KIF6: variants seen among roughly 807,000 people sequenced by gnomAD.
KIF6 encodes the protein kinesin-like protein KIF6.
KIF6 carries 106 observed loss-of-function variants against 112.7 expected under a neutral mutation model. That is an observed-to-expected ratio of 0.94 (90% CI 0.80 to 1.11). The LOEUF is 1.11. Ranked by LOEUF, KIF6 falls within the 50% of genes least tolerant of loss-of-function variation. The probability of loss-of-function intolerance (pLI) is 0.00; values close to 1 mark genes in which losing one functional copy is unlikely to be tolerated. For synonymous variants in KIF6, 339 were observed against 339.9 expected (o/e 1.00, Z 0.03); for missense variants, 929 against 964.0 (o/e 0.96, Z 0.48).
At chr6:39,579,288 T>C (rs757999780) in intron 9 of KIF6, among the ~76,000 whole-genome samples, 19 of 152,292 alleles carry the variant, frequency 1.2e-4, no homozygotes, top group Non-Finnish European at 2.4e-4. Flanking sequence ...TGTAAAATGA[T>C]ATCTCATTTT....
At chr6:39,685,313 GACT>G (rs145735337) in intron 3 of KIF6, among the ~76,000 whole-genome samples, 5,299 of 152,278 alleles carry the variant, frequency 0.035, 286 homozygotes, top group African/African-American at 0.12. Flanking sequence ...GTAGAGCTCT[GACT>G]ACAGTAACAG....
At chr6:39,542,163 T>G (rs1327482663) in intron 12 of KIF6, among the ~76,000 whole-genome samples, 1 of 152,168 alleles carries the variant, frequency 6.6e-6, no homozygotes, top group East Asian at 1.9e-4. Flanking sequence ...GGGAAGCCCC[T>G]TGAAGACTTT....
At chr6:39,706,557 T>G (rs941610456) in intron 3 of KIF6, among the ~76,000 whole-genome samples, 2 of 152,230 alleles carry the variant, frequency 1.3e-5, no homozygotes, top group Non-Finnish European at 2.9e-5. Context: ...ATTTTAAAAT[T>G]GTCACACTTA....
chr6:39,361,380 T>C (rs1765125472), intron 17 of KIF6, among the ~76,000 whole-genome samples: 1 of 151,820 alleles, frequency 6.6e-6, no homozygotes, highest in Non-Finnish European at 1.5e-5. Flanking sequence ...GCCTACATGG[T>C]GAAACCGTGT....
chr6:39,568,638 C>T (rs1055304195), intron 10 of KIF6, among the ~76,000 whole-genome samples: 1 of 151,956 alleles, frequency 6.6e-6, no homozygotes, highest in African/African-American at 2.4e-5. Flanking sequence ...GCAACCTCTG[C>T]CTCCCGGGTT....
chr6:39,538,887 A>G (rs1778609899), intron 13 of KIF6, among the ~76,000 whole-genome samples: 1 of 151,010 alleles, frequency 6.6e-6, no homozygotes, highest in South Asian at 2.1e-4. Flanking sequence ...CTATGCAGCC[A>G]TAAAAAATGA....
chr6:39,496,936 C>T (rs2073134), intron 13 of KIF6, among the ~76,000 whole-genome samples: 71,558 of 152,108 alleles, frequency 0.47, 20,511 homozygotes, highest in African/African-American at 0.81. Flanking sequence ...TACAAAACTG[C>T]CACCATGCTA....
At chr6:39,414,460 T>C (rs572818948) in intron 15 of KIF6, among the ~76,000 whole-genome samples, 2 of 152,146 alleles carry the variant, frequency 1.3e-5, no homozygotes, top group South Asian at 2.1e-4. Context: ...TGCAAACCCA[T>C]GGGGGACCTT....
At chr6:39,662,012 G>C (rs1786176205) in intron 3 of KIF6, among the ~76,000 whole-genome samples, 2 of 152,128 alleles carry the variant, frequency 1.3e-5, no homozygotes, top group East Asian at 3.8e-4. Flanking sequence ...ATTAAGAATA[G>C]AGATAAAGTA....
At chr6:39,524,152 AAGAG>A (rs59374171) in intron 13 of KIF6, among the ~76,000 whole-genome samples, 116 of 149,478 alleles carry the variant, frequency 7.8e-4, no homozygotes, top group African/African-American at 2.0e-3. Context: ...GTGTGTGTGA[AAGAG>A]AGAGAGAGAG....
intron 10 of KIF6, among the ~76,000 whole-genome samples, chr6:39,557,085 A>T (rs1334933179): frequency 6.6e-6 from 1 of 152,140 alleles, no homozygotes; most frequent in African/African-American, 2.4e-5. Flanking sequence ...ATATATATGT[A>T]TATGATTATA....
chr6:39,639,904 T>C, intron 3 of KIF6, 147 bp from the exon 4 acceptor site: 1 of 624,050 alleles, frequency 1.6e-6, no homozygotes, highest in Non-Finnish European at 2.6e-6. Context: ...TGTGAATATC[T>C]AGCTAGAATT....
rs914890891 is a variant in KIF6 at position 39,335,163 on chromosome 6, G to A, written c.*1369C>T. 1.3e-5 allele frequency: 2 copies of A among 152,110 alleles called. No homozygotes were observed. The highest frequency in any genetic ancestry group is 1.3e-4 in the Admixed American group (2 of 15,274). 9.4% of individuals were successfully genotyped at this position (152,110 alleles called of 1,614,324 possible). A position where few individuals can be genotyped will look rare whatever the true frequency, so the allele number is the denominator to read the frequency against. The stretch of plus-strand genomic sequence containing the variant: ...AGGTATTTCAAAAATAGGCAAGTTC[G>A]GAAGGATAACATGTCAGATAGTGAT... On this transcript the variant is annotated 3_prime_UTR_variant, in exon 23 of 23. Transcript: ENST00000287152.
intron 3 of KIF6, among the ~76,000 whole-genome samples, chr6:39,683,321 TG>T (rs1482088216): frequency 1.3e-5 from 2 of 152,306 alleles, no homozygotes; most frequent in African/African-American, 4.8e-5. Flanking sequence ...ACAAATTGAT[TG>T]ATTCGGGAGA....
intron 13 of KIF6, among the ~76,000 whole-genome samples, chr6:39,439,758 C>T (rs1771796520): frequency 6.6e-6 from 1 of 151,872 alleles, no homozygotes; most frequent in Non-Finnish European, 1.5e-5. Context: ...CAACTTGGTA[C>T]TTTGGGAAGC....
chr6:39,509,487 A>C (rs1331327778), intron 13 of KIF6, among the ~76,000 whole-genome samples: 1 of 152,214 alleles, frequency 6.6e-6, no homozygotes, highest in East Asian at 1.9e-4. Context: ...CCTTGAAAAA[A>C]GGTTAGACAA....
rs1447079047 is a variant in KIF6 at position 39,342,794 on chromosome 6, C to G, written c.2428+915G>C. The G allele has an allele frequency of 1.2e-5, 12 of 985,098 alleles. No homozygotes were observed. Among genetic ancestry groups the G allele is most frequent in the Non-Finnish European group, 1.4e-5 (12 of 829,900 alleles). 61.0% of individuals were successfully genotyped at this position (985,098 alleles called of 1,614,324 possible). A position where few individuals can be genotyped will look rare whatever the true frequency, so the allele number is the denominator to read the frequency against. On this transcript the variant is annotated intron_variant, in intron 22 of 22. Coordinates refer to ENST00000287152, the MANE Select transcript of KIF6 (RefSeq NM_145027.6). This position sits in a 1 kb window ranked among gnomAD's most constrained non-coding sequence, Gnocchi z 4.7. ...CGGCCAAGCAAGGCGAGTACAGGACCAAGGCCGGCTCTCAGTTGCGGCGCT... is the reference window on the plus strand; with the variant it reads ...CGGCCAAGCAAGGCGAGTACAGGACGAAGGCCGGCTCTCAGTTGCGGCGCT...
intron 13 of KIF6, among the ~76,000 whole-genome samples, chr6:39,463,630 C>CAT (rs1773614512): frequency 2.0e-5 from 3 of 152,116 alleles, no homozygotes; most frequent in Non-Finnish European, 4.4e-5. Flanking sequence ...ATTAAAAATT[C>CAT]CTCAAAATCA....
At chr6:39,337,190 T>C (rs1384762705) in intron 22 of KIF6, among the ~76,000 whole-genome samples, 7 of 99,038 alleles carry the variant, frequency 7.1e-5, no homozygotes, top group East Asian at 5.2e-4. Flanking sequence ...TTTCTTTCTT[T>C]CTTTCTTTCT....
Sources: allele counts gnomAD v4.1 joint callset (sites outside exome capture counted in the v4.1 genomes callset), GRCh38; gene constraint gnomAD v4.1.1; non-coding constraint Gnocchi (gnomAD v3.1); transcripts MANE v1.5; gene names NCBI Gene and HGNC (gene_info 2026-07-23, HGNC 2026-07-21).